Variants in CCAR2 observed in about 807,000 individuals in gnomAD.
The protein encoded by CCAR2 is cell cycle and apoptosis regulator protein 2.
CCAR2 carries 21 observed loss-of-function variants against 108.1 expected under a neutral mutation model. The observed-to-expected ratio is 0.19, with a 90% CI of 0.14 to 0.28. The LOEUF is 0.28. CCAR2 is among the 10% of genes least tolerant of loss of function. The pLI, the probability that CCAR2 is intolerant of heterozygous loss-of-function variation, is 1.00. For synonymous variants in CCAR2, 577 were observed against 472.8 expected, an observed-to-expected ratio of 1.22 and a Z score of -2.86; for missense variants, 1,126 against 1,177.0, an observed-to-expected ratio of 0.96 and a Z score of 0.63.
intron 10 of CCAR2, 83 bp downstream of exon 10, chr8:22,614,586 T>A: frequency 7.6e-7 from 1 of 1,307,834 alleles, no homozygotes; most frequent in Non-Finnish European, 1.1e-6. Context: ...CTCCTGTTCC[T>A]GAATGCATAA....
In CCAR2 at chr8:22,615,732, C is replaced by CACTT. The variant is rs1801476664; in HGVS notation, c.1429_1432dup (p.Ser478TyrfsTer3). On this transcript the variant is annotated frameshift_variant, in exon 13 of 21. Coordinates refer to ENST00000308511, the MANE Select transcript of CCAR2 (RefSeq NM_001393997.1). LOFTEE classifies it high-confidence loss of function. The stretch of plus-strand genomic sequence containing the variant: ...CTGATGCCTTGGAGCAAGCAGCAGA[C>CACTT]ACTTCTAGACGGAACGCAGAAACTC... 1 of 1,613,666 alleles carries CACTT rather than the reference C, an allele frequency of 6.2e-7. No individual in the cohort carries two copies. Among genetic ancestry groups the CACTT allele is most frequent in the Non-Finnish European group, 8.5e-7 (1 of 1,180,002 alleles).
In CCAR2 at chr8:22,618,246, G is replaced by A. The variant is rs145644081; in HGVS notation, c.2074-103G>A. On this transcript the variant is annotated intron_variant, in intron 16 of 20. Transcript: ENST00000308511. ...GCTGGGACTTCAGGCATGCATCACT[G>A]CATGTGGCCCAAGCCACTGGATTCT... The A allele has an allele frequency of 5.7e-3, 8,538 of 1,486,246 alleles. 39 individuals are homozygous for A. Among genetic ancestry groups the A allele is most frequent in the Middle Eastern group, 0.018 (97 of 5,280 alleles). 92.1% of individuals were successfully genotyped at this position (1,486,246 alleles called of 1,614,324 possible). A position where few individuals can be genotyped will look rare whatever the true frequency, so the allele number is the denominator to read the frequency against.
chr8:22,615,102 G>GC, intron 11 of CCAR2, 101 bp downstream of exon 11: 2 of 1,389,942 alleles, frequency 1.4e-6, no homozygotes, highest in Non-Finnish European at 1.9e-6. Context: ...TTAGCTCTCT[G>GC]CCCCCTAGTC....
intron 7 of CCAR2, among the ~76,000 whole-genome samples, chr8:22,611,434 G>GTGTGTATA (rs1361737049): frequency 0.039 from 5,653 of 144,562 alleles, 126 homozygotes; most frequent in South Asian, 0.072. Context: ...GTGTATATAT[G>GTGTGTATA]TGTGTGTGTA....
At chr8:22,614,743 G>GCTGCCTTCATCCTGATGGGT in intron 10 of CCAR2, 95 bp from the exon 11 acceptor site, 2 of 873,558 alleles carry the variant, frequency 2.3e-6, no homozygotes, top group Non-Finnish European at 3.3e-6. Context: ...CCCCACTTCC[G>GCTGCCTTCATCCTGATGGGT]GCTGCCTTCA....
intron 7 of CCAR2, among the ~76,000 whole-genome samples, chr8:22,609,175 G>A (rs182287057): frequency 3.7e-4 from 56 of 151,564 alleles, no homozygotes; most frequent in Admixed American, 1.6e-3. Flanking sequence ...CTCGGCCTCC[G>A]CAGTAGCTGG....
intron 16 of CCAR2, 145 bp from the exon 17 acceptor site, chr8:22,618,204 C>T: frequency 9.4e-7 from 1 of 1,064,002 alleles, no homozygotes; most frequent in Non-Finnish European, 1.4e-6. Context: ...GATTCTCCTG[C>T]CTTAGCCTCC....
In CCAR2 at chr8:22,614,300, G is replaced by A. The variant is rs1011317024; in HGVS notation, c.913G>A (p.Ala305Thr). The A allele has an allele frequency of 6.8e-6, 11 of 1,613,944 alleles. No individual in the cohort carries two copies. Among genetic ancestry groups the A allele is most frequent in the African/African-American group, 2.7e-5 (2 of 74,924 alleles). Residue 305 changes from alanine (A) to threonine (T), a missense_variant, in exon 9 of 21, where the codon GCT (alanine) becomes ACT (threonine). Coordinates refer to ENST00000308511, the MANE Select transcript of CCAR2 (RefSeq NM_001393997.1). ...GCCCATCACTGCAGACAGTGACCCC[G>A]CTTATAGTTCGAAGGTAAGCTGACA... ...AEPITADSDP[A>T]YSSKVLLLSS...
In CCAR2 at chr8:22,613,104, C is replaced by T. The variant is rs748101316; in HGVS notation, c.672C>T (p.Tyr224=). 3.1e-6 allele frequency: 5 copies of T among 1,612,304 alleles called. No individual in the cohort carries two copies. Among genetic ancestry groups the T allele is most frequent in the Non-Finnish European group, 2.5e-6 (3 of 1,179,544 alleles). Residue 224 remains tyrosine, a synonymous_variant, in exon 8 of 21, where the codon TAC becomes TAT. Transcript: ENST00000308511. ...AGCCAAGGCATGACCTGCCTCCTTACCGGGTCCACCTCACTCCTTACACTG... is the reference window on the plus strand; with the variant it reads ...AGCCAAGGCATGACCTGCCTCCTTATCGGGTCCACCTCACTCCTTACACTG... ...AKKPRHDLPP[Y]RVHLTPYTVD... is the part of the protein sequence containing the mutation.
Position 22,615,601 on chromosome 8 carries a change from G to A in CCAR2, c.1377+5G>A. ...CCAACCCAGGAGGCACAAGGGGTAA[G>A]GCTGTGCCTTAGCCAGCAGCGGGGG... On this transcript the variant is annotated splice_donor_5th_base_variant and intron_variant, in intron 12 of 20. Transcript: ENST00000308511. 1.2e-6 allele frequency: 2 copies of A among 1,613,866 alleles called. No homozygotes were observed. The highest frequency in any genetic ancestry group is 8.5e-7 in the Non-Finnish European group (1 of 1,179,946).
chr8:22,606,261 G>C, intron 3 of CCAR2, 85 bp downstream of exon 3: 2 of 1,161,158 alleles, frequency 1.7e-6, no homozygotes, highest in South Asian at 1.2e-5. Context: ...TTACATAATA[G>C]TGTTTATCAT....
chr8:22,617,577 G>A lies in CCAR2; in HGVS notation c.1990+13G>A, dbSNP rs1801575371. ...GAGGAGGAGTTTGGTATGTTGAGTG[G>A]TGAGAGGGGAGCTTGCAGGCTTGGG... On this transcript the variant is annotated intron_variant, in intron 15 of 20. Coordinates refer to ENST00000308511, the MANE Select transcript of CCAR2 (RefSeq NM_001393997.1). 2.5e-6 allele frequency: 4 copies of A among 1,604,716 alleles called. No individual in the cohort carries two copies. Among genetic ancestry groups the A allele is most frequent in the East Asian group, 2.2e-5 (1 of 44,804 alleles).
chr8:22,607,937 T>C (rs1218924383), intron 6 of CCAR2, 32 bp from the exon 7 acceptor site: 4 of 1,599,374 alleles, frequency 2.5e-6, no homozygotes, highest in Non-Finnish European at 2.6e-6. Flanking sequence ...GTTTTTAGGG[T>C]TTTTGAGTCA....
intron 14 of CCAR2, chr8:22,616,690 CCT>C (rs1018328144): frequency 1.1e-5 from 2 of 176,092 alleles, no homozygotes; most frequent in African/African-American, 4.8e-5. Context: ...GTGGTGCATG[CCT>C]GTTTTCTCAG....
chr8:22,611,388 A>ATATGTGTGTGTGTGTGTGTGTGTG (rs1554559973), intron 7 of CCAR2, among the ~76,000 whole-genome samples: 4 of 128,478 alleles, frequency 3.1e-5, no homozygotes, highest in East Asian at 2.1e-4. Flanking sequence ...AAGTATATAT[A>ATATGTGTGTGTGTGTGTGTGTGTG]TGTGTGTGTG....
chr8:22,617,815 T>C, intron 16 of CCAR2, 37 bp downstream of exon 16: 1 of 1,605,614 alleles, frequency 6.2e-7, no homozygotes, highest in South Asian at 1.1e-5. Flanking sequence ...GTCTCAGTGG[T>C]GGTGAGGCTT....
chr8:22,615,347 T>C, intron 11 of CCAR2, 78 bp from the exon 12 acceptor site: 2 of 1,524,438 alleles, frequency 1.3e-6, no homozygotes, highest in Non-Finnish European at 1.8e-6. Context: ...GACTGGAAAC[T>C]GAAGCCCTTG....
At chr8:22,621,388 C>T (rs1338871413), downstream of CCAR2, 2 of 1,597,812 alleles carry the variant, frequency 1.3e-6, no homozygotes, top group Admixed American at 1.7e-5. Context: ...TGAGGCTGAC[C>T]ACGTCACAGG....
chr8:22,619,942 A>C lies in CCAR2; in HGVS notation c.*260A>C, dbSNP rs1801701200. ...CCCCTAGAATGTCATTTTGCCCTCA[A>C]CCTTGGTATTTCTCCTGGGGCCCTT... On this transcript the variant is annotated 3_prime_UTR_variant, in exon 21 of 21. Coordinates refer to ENST00000308511, the MANE Select transcript of CCAR2 (RefSeq NM_001393997.1). 1 of 527,388 alleles carries C rather than the reference A, an allele frequency of 1.9e-6. No homozygotes were observed. Among genetic ancestry groups the C allele is most frequent in the East Asian group, 3.2e-5 (1 of 31,394 alleles). The allele number at this position is 527,388 out of a possible 1,614,324, so 32.7% of individuals were successfully genotyped here. A position where few individuals can be genotyped will look rare whatever the true frequency, so the allele number is the denominator to read the frequency against.
Sources: gnomAD v4.1 joint callset for allele counts (sites outside exome capture counted in the v4.1 genomes callset) on GRCh38, gnomAD v4.1.1 for gene constraint, MANE v1.5 for transcripts, NCBI Gene and HGNC (gene_info 2026-07-23, HGNC 2026-07-21) for gene names.